TSHZ3: variants seen among roughly 807,000 people sequenced by gnomAD.
TSHZ3 encodes the protein teashirt homolog 3.
TSHZ3 carries 10 observed loss-of-function variants against 64.5 expected under a neutral mutation model. That is an observed-to-expected ratio of 0.16 (90% confidence interval 0.10 to 0.26). TSHZ3 has a LOEUF of 0.26. Among genes scored for constraint, TSHZ3 ranks in the 10% least tolerant of loss-of-function variants. The pLI is 1.00. For missense variants in TSHZ3, 1,242 were observed against 1,421.7 expected, an observed-to-expected ratio of 0.87 and a Z score of 2.03; for synonymous variants, 608 against 593.1, an observed-to-expected ratio of 1.03 and a Z score of -0.36.
intron 1 of TSHZ3, among the ~76,000 whole-genome samples, chr19:31,330,590 C>A (rs1831183830): frequency 6.6e-6 from 1 of 152,148 alleles, no homozygotes; most frequent in Non-Finnish European, 1.5e-5. Flanking sequence ...TAACCAGCCA[C>A]AGGGAATGGC....
At chr19:31,270,396 C>CCTGGGCTCAA (rs1185950808), downstream of TSHZ3, among the ~76,000 whole-genome samples, 9 of 152,348 alleles carry the variant, frequency 5.9e-5, 1 homozygote, top group Admixed American at 5.9e-4. Context: ...GCCTCAAACT[C>CCTGGGCTCAA]CTGGGCTCAA....
rs887920524 is a variant in TSHZ3 at position 31,191,368 on chromosome 19, T to C, written n.809+13588A>G. Among the ~76,000 whole-genome samples, 61 of 152,000 alleles carry C rather than the reference T, an allele frequency of 4.0e-4. 1 individual carries two copies. Among genetic ancestry groups the C allele is most frequent in the Non-Finnish European group, 4.4e-5 (3 of 67,994 alleles). ...AATTTCTAGTCGGAAACAATGCAAG[T>C]TATAACACAATGGAATGCCATATTT... On this transcript the variant is annotated intron_variant and non_coding_transcript_variant, in intron 5 of 6. Transcript: ENST00000651361.
chr19:31,197,678 C>T (rs2145146163), intron 5 of TSHZ3, among the ~76,000 whole-genome samples: 1 of 151,958 alleles, frequency 6.6e-6, no homozygotes, highest in East Asian at 1.9e-4. Flanking sequence ...TATAAGCAAT[C>T]TATGTCCACA....
At chr19:31,335,395 C>G (rs1326441398) in intron 1 of TSHZ3, among the ~76,000 whole-genome samples, 2 of 152,196 alleles carry the variant, frequency 1.3e-5, no homozygotes, top group Non-Finnish European at 2.9e-5. Context: ...AGGAGGGCCT[C>G]CTCCCCTGCC....
Position 31,277,848 on chromosome 19 carries a change from C to T in TSHZ3, c.1945G>A (p.Glu649Lys), listed in dbSNP as rs749265129. The T allele has an allele frequency of 6.9e-6, 11 of 1,588,194 alleles. No individual in the cohort carries two copies. The highest frequency in any genetic ancestry group is 6.7e-5 in the East Asian group (3 of 44,798). The change falls in exon 2 of 2, where the codon GAA becomes AAA. Residue 649 changes from glutamate to lysine, a missense_variant. This residue lies in a region of TSHZ3 where 550 missense variants were observed against 545.1 expected (regional missense o/e 1.01). Transcript: ENST00000240587. The surrounding 1 kb of genome is among the most constrained non-coding windows in gnomAD (Gnocchi z 4.5). ...KRATPSPCSS[E>K]VGEPIKMEAS... ...TCCATCTTGATGGGTTCCCCGACTT[C>T]GCTGCTACATGGGGAGGGAGTGGCC...
intron 5 of TSHZ3, among the ~76,000 whole-genome samples, chr19:31,186,104 C>G (rs573586852): frequency 1.3e-5 from 2 of 152,180 alleles, no homozygotes; most frequent in Non-Finnish European, 2.9e-5. Context: ...CGGTTTTTAC[C>G]CATTATGAAT....
intron 1 of TSHZ3, among the ~76,000 whole-genome samples, chr19:31,269,935 C>T (rs1496626): frequency 0.31 from 46,828 of 152,072 alleles, 10,550 homozygotes; most frequent in African/African-American, 0.63. Flanking sequence ...ACGCCAGCCA[C>T]GGAGCCAAGT....
intron 5 of TSHZ3, among the ~76,000 whole-genome samples, chr19:31,196,049 C>A (rs1233258133): frequency 1.3e-5 from 2 of 151,490 alleles, no homozygotes; most frequent in African/African-American, 2.4e-5. Flanking sequence ...TTATGGTTGA[C>A]CAAAACATAA....
chr19:31,272,461 T>G (rs1448566681), downstream of TSHZ3, among the ~76,000 whole-genome samples: 1 of 152,172 alleles, frequency 6.6e-6, no homozygotes, highest in African/African-American at 2.4e-5. Context: ...TATATATTTT[T>G]TCCTTTTGCA....
chr19:31,296,811 G>T (rs529453222), intron 1 of TSHZ3, among the ~76,000 whole-genome samples: 1 of 152,274 alleles, frequency 6.6e-6, no homozygotes, highest in African/African-American at 2.4e-5. Context: ...TGGCACTGGG[G>T]GTCAGTCACA....
intron 1 of TSHZ3, among the ~76,000 whole-genome samples, chr19:31,290,450 G>A (rs1358505977): frequency 6.6e-6 from 1 of 152,046 alleles, no homozygotes; most frequent in Non-Finnish European, 1.5e-5. Flanking sequence ...ACACACTGGG[G>A]GGTACCAATA....
chr19:31,333,945 A>G (rs1450774646), intron 1 of TSHZ3, among the ~76,000 whole-genome samples: 1 of 152,234 alleles, frequency 6.6e-6, no homozygotes, highest in Non-Finnish European at 1.5e-5. Flanking sequence ...TTTCACAAGG[A>G]GCGTGTACGT....
At chr19:31,220,241 A>G (rs1335543393) in intron 4 of TSHZ3, among the ~76,000 whole-genome samples, 1 of 152,248 alleles carries the variant, frequency 6.6e-6, no homozygotes, top group Non-Finnish European at 1.5e-5. Flanking sequence ...AGAGGAAGGA[A>G]CAGGGGCCTG....
At chr19:31,168,640 C>T (rs189130442) in intron 5 of TSHZ3, among the ~76,000 whole-genome samples, 10 of 152,294 alleles carry the variant, frequency 6.6e-5, no homozygotes, top group African/African-American at 2.2e-4. Flanking sequence ...AGCTCAACGT[C>T]TTTTGGCACA....
At chr19:31,220,057 G>C (rs530007369) in intron 4 of TSHZ3, among the ~76,000 whole-genome samples, 3 of 152,052 alleles carry the variant, frequency 2.0e-5, no homozygotes, top group South Asian at 2.1e-4. Context: ...TCAAGGCCAA[G>C]GTGGATGGAT....
rs187400506 is a variant in TSHZ3 at position 31,268,637 on chromosome 19, G to A, written n.64-25762C>T. Among the ~76,000 whole-genome samples, 45 of 152,236 alleles carry A rather than the reference G, an allele frequency of 3.0e-4. No individual in the cohort carries two copies. The East Asian group carries it at 6.0e-3, about 20-fold the overall frequency. ...GCCCTCTTCCCTCCTAGGATGGCTG[G>A]GGAGAAAGACACAAAAAGAAAGTAG... On this transcript the variant is annotated intron_variant and non_coding_transcript_variant, in intron 1 of 6. Coordinates refer to the TSHZ3 transcript ENST00000651361.
In TSHZ3 at chr19:31,278,242, C is replaced by G. The variant is rs1372309543; in HGVS notation, c.1551G>C (p.Lys517Asn). 6.2e-7 allele frequency: 1 copy of G among 1,614,080 alleles called. No homozygotes were observed. Among genetic ancestry groups the G allele is most frequent in the African/African-American group, 1.3e-5 (1 of 74,934 alleles). ...AGGATTTGAGGATATCAAGCCCCCCCTTGGGACTCTCTTCTAAGTCATTTT... is the reference window on the plus strand; with the variant it reads ...AGGATTTGAGGATATCAAGCCCCCCGTTGGGACTCTCTTCTAAGTCATTTT... ...LTENDLEESP[K>N]GGLDILKSLE... The change falls in exon 2 of 2, where the codon AAG becomes AAC. Residue 517 changes from lysine to asparagine, a missense_variant. Physicochemically the swap from Lys to Asn is moderately conservative, Grantham distance 94. This residue lies in a region of TSHZ3 where 555 missense variants were observed against 704.0 expected (regional missense o/e 0.79). Coordinates refer to ENST00000240587, the MANE Select transcript of TSHZ3 (RefSeq NM_020856.4). The surrounding 1 kb of genome is among the most constrained non-coding windows in gnomAD (Gnocchi z 4.7).
Position 31,349,325 on chromosome 19 carries a change from T to A in TSHZ3, c.-106A>T. 8.8e-7 allele frequency: 1 copy of A among 1,140,900 alleles called. No homozygotes were observed. The highest frequency in any genetic ancestry group is 1.2e-6 in the Non-Finnish European group (1 of 858,402). 70.7% of individuals were successfully genotyped at this position (1,140,900 alleles called of 1,614,324 possible). On this transcript the variant is annotated 5_prime_UTR_variant, in exon 1 of 2. Transcript: ENST00000240587. ...GCGGGGGGGCGAGGCGGGCCTGCTC[T>A]CAGCCTCCCCCCCGGAGAGCGGCCG...
chr19:31,160,812 A>G (rs903013589), intron 5 of TSHZ3, among the ~76,000 whole-genome samples: 2 of 152,100 alleles, frequency 1.3e-5, no homozygotes, highest in African/African-American at 4.8e-5. Flanking sequence ...ACACACATGC[A>G]TATACACACA....
Sources: allele counts gnomAD v4.1 joint callset (sites outside exome capture counted in the v4.1 genomes callset), GRCh38; gene constraint gnomAD v4.1.1; regional missense constraint gnomAD v4.1.1; non-coding constraint Gnocchi (gnomAD v3.1); transcripts MANE v1.5; gene names NCBI Gene and HGNC (gene_info 2026-07-23, HGNC 2026-07-21).